ACSL6: variants seen among roughly 807,000 people sequenced by gnomAD.
The protein encoded by ACSL6 is acyl-CoA synthetase long chain family member 6, also known as long-chain-fatty-acid--CoA ligase 6.
ACSL6 carries 47 observed loss-of-function variants against 98.2 expected under a neutral mutation model. That is an observed-to-expected ratio of 0.48 (90% confidence interval 0.38 to 0.61). ACSL6 has a LOEUF of 0.61. Ranked by LOEUF, ACSL6 falls within the 20% of genes least tolerant of loss-of-function variation. The pLI is 0.00. For synonymous variants in ACSL6, 362 were observed against 336.9 expected (o/e 1.07, Z -0.82); for missense variants, 761 against 913.4 (o/e 0.83, Z 2.15).
At chr5:131,993,449 A>T (rs1411151926) in intron 2 of ACSL6, 1 of 159,826 alleles carries the variant, frequency 6.3e-6, no homozygotes, top group Non-Finnish European at 1.4e-5. Flanking sequence ...TACATTATCT[A>T]TTCCAAATGA....
chr5:131,967,906 A>C, intron 16 of ACSL6, 34 bp downstream of exon 16: 10 of 1,586,684 alleles, frequency 6.3e-6, no homozygotes, highest in Non-Finnish European at 8.7e-6. Flanking sequence ...TACATGTAGC[A>C]GCCACAGGCA....
chr5:132,011,851 G>T (rs893005768), upstream of ACSL6: 36 of 1,508,034 alleles, frequency 2.4e-5, no homozygotes, highest in Middle Eastern at 4.7e-4. The surrounding 1 kb of genome is among the most constrained non-coding windows in gnomAD (Gnocchi z 5.4). Flanking sequence ...GCTCCCGGGC[G>T]GGGGAGGGGC....
chr5:131,969,989 C>T (rs1753217376), intron 15 of ACSL6, 139 bp downstream of exon 15: 2 of 741,058 alleles, frequency 2.7e-6, no homozygotes, highest in Non-Finnish European at 4.7e-6. Context: ...ACATAACCAC[C>T]ATTAATGTTT....
intron 6 of ACSL6, 40 bp from the exon 7 acceptor site, chr5:131,988,266 C>T (rs1488552120): frequency 3.1e-6 from 5 of 1,608,034 alleles, no homozygotes; most frequent in Non-Finnish European, 3.4e-6. Context: ...CATGTGGGCC[C>T]AGGTCATGAG....
At chr5:131,992,971 G>A (rs1712182842) in intron 2 of ACSL6, among the ~76,000 whole-genome samples, 1 of 152,152 alleles carries the variant, frequency 6.6e-6, no homozygotes, top group Non-Finnish European at 1.5e-5. Flanking sequence ...TTAAGAAACT[G>A]CCCAGGGCCA....
At chr5:131,998,812 T>A (rs774484533) in intron 1 of ACSL6, among the ~76,000 whole-genome samples, 1 of 152,228 alleles carries the variant, frequency 6.6e-6, no homozygotes, top group Non-Finnish European at 1.5e-5. Flanking sequence ...TAGGATCATG[T>A]CATGCCACTG....
In ACSL6 at chr5:132,011,263, T is replaced by A. The variant is rs1330054075; in HGVS notation, c.49+242A>T. On this transcript the variant is annotated intron_variant, in intron 1 of 20. Coordinates refer to ENST00000651883, the MANE Select transcript of ACSL6 (RefSeq NM_001009185.3). This position sits in a 1 kb window ranked among gnomAD's most constrained non-coding sequence, Gnocchi z 5.4. The stretch of plus-strand genomic sequence containing the variant: ...AACTCGGCGGGGGTTTGTGGTGGGG[T>A]CGCAGAGAGCAAGCCCTATATCTCC... 1.3e-5 allele frequency among the ~76,000 whole-genome samples: 2 copies of A among 151,156 alleles called. No homozygotes were observed. Among genetic ancestry groups the A allele is most frequent in the African/African-American group, 4.9e-5 (2 of 41,066 alleles).
chr5:131,986,494 G>A (rs1754183968), intron 8 of ACSL6, among the ~76,000 whole-genome samples: 1 of 152,252 alleles, frequency 6.6e-6, no homozygotes, highest in Non-Finnish European at 1.5e-5. Flanking sequence ...TGGTTCTGCT[G>A]TTGCTTCTGT....
intron 2 of ACSL6, chr5:131,993,187 C>T (rs1393600210): frequency 6.6e-6 from 1 of 152,362 alleles, no homozygotes; most frequent in Admixed American, 6.5e-5. Flanking sequence ...CAGCCCCTAC[C>T]TCAACCTGCA....
At chr5:131,991,586 C>T (rs533311756) in intron 2 of ACSL6, among the ~76,000 whole-genome samples, 1 of 152,254 alleles carries the variant, frequency 6.6e-6, no homozygotes, top group East Asian at 1.9e-4. Flanking sequence ...CAGCAAGTTC[C>T]TGGGCCCAAA....
intron 19 of ACSL6, 56 bp from the exon 20 acceptor site, chr5:131,959,663 G>A: frequency 6.5e-7 from 1 of 1,549,968 alleles, no homozygotes; most frequent in East Asian, 2.2e-5. Context: ...CAAAATGGAG[G>A]TAGAGGAAAC....
rs1176122401 is a variant in ACSL6, at chr5:132,011,633, G to A, written c.-80C>T. The A allele has an allele frequency of 7.9e-7, 1 of 1,265,852 alleles. No individual in the cohort carries two copies. The highest frequency in any genetic ancestry group is 1.0e-6 in the Non-Finnish European group (1 of 1,003,620). 78.4% of individuals were successfully genotyped at this position (1,265,852 alleles called of 1,614,324 possible). ...GCAGCCCCGCAGCCCAGCAGCCCCA[G>A]CAGTAGCCGCGCCGCCGCCGCCGCT... On this transcript the variant is annotated 5_prime_UTR_variant, in exon 1 of 21. Coordinates refer to ENST00000651883, the MANE Select transcript of ACSL6 (RefSeq NM_001009185.3). This position sits in a 1 kb window ranked among gnomAD's most constrained non-coding sequence, Gnocchi z 5.4.
chr5:131,966,740 C>T (rs1337710452), intron 16 of ACSL6, among the ~76,000 whole-genome samples: 7 of 152,176 alleles, frequency 4.6e-5, no homozygotes, highest in East Asian at 1.9e-4. Context: ...CCCCATCTTT[C>T]CCCCCTGCCC....
chr5:132,009,246 A>T (rs1755580903), intron 1 of ACSL6, among the ~76,000 whole-genome samples: 1 of 152,186 alleles, frequency 6.6e-6, no homozygotes, highest in East Asian at 1.9e-4. Context: ...CCTTGAGGGA[A>T]ACCCTTGCCT....
At chr5:131,977,620 G>C (rs1234842538) in intron 9 of ACSL6, among the ~76,000 whole-genome samples, 6 of 152,180 alleles carry the variant, frequency 3.9e-5, no homozygotes, top group African/African-American at 1.4e-4. Context: ...AAGTATGAAA[G>C]ATGTTAAATT....
At chr5:131,960,726 A>T in intron 18 of ACSL6, 105 bp from the exon 19 acceptor site, 1 of 759,144 alleles carries the variant, frequency 1.3e-6, no homozygotes, top group Non-Finnish European at 2.1e-6. Flanking sequence ...TCAAAAACTA[A>T]GTATATGTTT....
intron 11 of ACSL6, chr5:131,974,673 A>C: frequency 6.7e-7 from 1 of 1,482,784 alleles, no homozygotes; most frequent in Non-Finnish European, 9.2e-7. Flanking sequence ...GTTTGGTCCT[A>C]CTTCATGCCA....
chr5:131,978,170 G>C (rs1016772124), intron 9 of ACSL6, among the ~76,000 whole-genome samples: 3 of 152,248 alleles, frequency 2.0e-5, no homozygotes, highest in Non-Finnish European at 4.4e-5. Flanking sequence ...GCAGTGGTGG[G>C]AATGGTGGGG....
At position 131,972,705 on chromosome 5, in the gene ACSL6, C is replaced by A. The variant is rs1753377325; in HGVS notation, c.1338+19G>T. The A allele has an allele frequency of 6.2e-7, 1 of 1,613,832 alleles. No individual in the cohort carries two copies. Among genetic ancestry groups the A allele is most frequent in the Non-Finnish European group, 8.5e-7 (1 of 1,179,960 alleles). On this transcript the variant is annotated intron_variant, in intron 13 of 20. Transcript: ENST00000651883. The stretch of plus-strand genomic sequence containing the variant: ...GGATACTTAGGTGTCACTCTATAAT[C>A]ACTTGTTCATTTTCTTACCTGAATC...
Sources: gnomAD v4.1 joint callset for allele counts (sites outside exome capture counted in the v4.1 genomes callset) on GRCh38, gnomAD v4.1.1 for gene constraint, Gnocchi (gnomAD v3.1) non-coding constraint, MANE v1.5 for transcripts, NCBI Gene and HGNC (gene_info 2026-07-23, HGNC 2026-07-21) for gene names.